The following PIK3R6 variants were observed in gnomAD, a reference collection of about 807,000 sequenced individuals.
PIK3R6 encodes phosphoinositide-3-kinase regulatory subunit 6.
A neutral mutation model predicts 84.9 loss-of-function variants in PIK3R6; 91 were observed. The ratio of observed to expected loss-of-function variants is 1.07; its 90% CI spans 0.90 to 1.28. The LOEUF (loss-of-function observed/expected upper bound fraction) is 1.28, where lower values mean the gene tolerates loss of function less well. PIK3R6 is among the 50% of genes most tolerant of loss of function. The pLI is 0.00. For missense variants in PIK3R6, 996 were observed against 985.1 expected (o/e 1.01, Z -0.15); for synonymous variants, 416 against 411.4 (o/e 1.01, Z -0.13).
In PIK3R6 at chr17:8,822,503, A is replaced by G. The variant is rs59338144; in HGVS notation, c.1788+84T>C. The G allele has an allele frequency of 3.6e-3, 5,296 of 1,472,732 alleles. 158 individuals carry two copies. In the African/African-American group the frequency reaches 0.065, roughly 18 times the overall value. 91.2% of individuals were successfully genotyped at this position (1,472,732 alleles called of 1,614,324 possible). A position where few individuals can be genotyped will look rare whatever the true frequency, so the allele number is the denominator to read the frequency against. Reference sequence around the variant, plus strand: ...AGGGGCAGAAGCTTCCTTTGGCTCTATCTGCTTCCCTGCTTGTCCCAGAGG... The same window carrying G: ...AGGGGCAGAAGCTTCCTTTGGCTCTGTCTGCTTCCCTGCTTGTCCCAGAGG... On this transcript the variant is annotated intron_variant, in intron 16 of 19. Transcript: ENST00000619866.
At chr17:8,831,779 G>A (rs2088249668) in intron 9 of PIK3R6, among the ~76,000 whole-genome samples, 1 of 152,124 alleles carries the variant, frequency 6.6e-6, no homozygotes, top group Admixed American at 6.6e-5. Context: ...GGACATGCAG[G>A]CTGACATATT....
rs777692546 is a variant in PIK3R6 at position 8,821,936 on chromosome 17, C to T, written c.1789G>A (p.Ala597Thr). Reference protein sequence around the residue: ...GAELSLCYQKALLSHRPREVT... With the variant: ...GAELSLCYQKTLLSHRPREVT... ...TCTCGGGGCCGGTGGCTAAGCAAGG[C>T]CTGAGGAGGGGGATCGAGGAACAGG... The change falls in exon 17 of 20, where the codon GCC becomes ACC. Residue 597 changes from alanine (A) to threonine (T), a missense_variant and splice_region_variant. Ala to Thr is a moderately conservative substitution (Grantham distance 58, BLOSUM62 0). Transcript: ENST00000619866. 16 of 1,576,642 alleles carry T rather than the reference C, an allele frequency of 1.0e-5. No individual in the cohort carries two copies. The highest frequency in any genetic ancestry group is 1.3e-5 in the Non-Finnish European group (15 of 1,160,642).
Position 8,821,845 on chromosome 17 carries a change from C to T in PIK3R6, c.1879+1G>A, listed in dbSNP as rs1242978278. 1.3e-6 allele frequency: 2 copies of T among 1,590,748 alleles called. No homozygotes were observed. Among genetic ancestry groups the T allele is most frequent in the Admixed American group, 1.8e-5 (1 of 56,632 alleles). ...TTTGCTCTGCATTCCCCATTCCTCACCTTCTGTGTCGCTGGCTGGAATGGC... is the reference window on the plus strand; with the variant it reads ...TTTGCTCTGCATTCCCCATTCCTCATCTTCTGTGTCGCTGGCTGGAATGGC... On this transcript the variant is annotated splice_donor_variant, in intron 17 of 19. Transcript: ENST00000619866. LOFTEE classifies it high-confidence loss of function.
intron 7 of PIK3R6, 127 bp downstream of exon 7, chr17:8,836,420 G>T: frequency 1.0e-6 from 1 of 980,424 alleles, no homozygotes; most frequent in Non-Finnish European, 1.6e-6. Context: ...CAAATATCAT[G>T]GCTGGGGAGG....
At chr17:8,828,539 A>AC in intron 11 of PIK3R6, 28 bp downstream of exon 11, 2 of 1,604,388 alleles carry the variant, frequency 1.2e-6, no homozygotes, top group Non-Finnish European at 1.7e-6. Context: ...ACCAGCGCCC[A>AC]CCCCCAGCCC....
At chr17:8,840,348 T>C (rs28626519) in intron 2 of PIK3R6, among the ~76,000 whole-genome samples, 20,535 of 94,006 alleles carry the variant, frequency 0.22, 4,491 homozygotes, top group Non-Finnish European at 0.26. Flanking sequence ...GAAATATATA[T>C]AGCCTCCAAA....
In PIK3R6 at chr17:8,856,294, T is replaced by C. The variant is rs146692715; in HGVS notation, c.-91-6409A>G. ...CCCAGTGATAACATCTTGCAAACAA[T>C]GTTACTGTATCAAAATCAAGATATT... On this transcript the variant is annotated intron_variant, in intron 1 of 19. Transcript: ENST00000619866. Among the ~76,000 whole-genome samples the C allele has an allele frequency of 7.6e-4, 115 of 152,262 alleles. 1 individual carries two copies. Among genetic ancestry groups the C allele is most frequent in the African/African-American group, 2.6e-3 (106 of 41,554 alleles).
In PIK3R6 at chr17:8,804,166, G is replaced by A; in HGVS notation, c.1996-13C>T. 3.7e-6 allele frequency: 6 copies of A among 1,603,322 alleles called. No individual in the cohort carries two copies. The highest frequency in any genetic ancestry group is 5.1e-6 in the Non-Finnish European group (6 of 1,170,372). ...TGTTGGTCACTGTCTGCAGCACAGA[G>A]ATCGCACGTGTGAGTGTTGCCTTTG... is the stretch of plus-strand genomic sequence containing the variant. On this transcript the variant is annotated splice_polypyrimidine_tract_variant and intron_variant, in intron 18 of 19. Transcript: ENST00000619866.
intron 13 of PIK3R6, among the ~76,000 whole-genome samples, chr17:8,824,697 G>A (rs899533228): frequency 3.9e-5 from 6 of 152,292 alleles, no homozygotes; most frequent in Admixed American, 1.3e-4. Context: ...ATAGCTACCA[G>A]CAAAGGAGCA....
At chr17:8,828,465 C>T (rs1427042284) in intron 11 of PIK3R6, 102 bp downstream of exon 11, 5 of 1,428,622 alleles carry the variant, frequency 3.5e-6, no homozygotes, top group Non-Finnish European at 3.8e-6. Flanking sequence ...GCCTCTGCCT[C>T]CTGACCCTCT....
intron 14 of PIK3R6, 81 bp downstream of exon 14, chr17:8,823,306 G>C: frequency 9.2e-7 from 1 of 1,088,678 alleles, no homozygotes; most frequent in Non-Finnish European, 1.4e-6. Context: ...TTGGTGGCCT[G>C]GTGACCAGTG....
intron 1 of PIK3R6, among the ~76,000 whole-genome samples, chr17:8,855,248 A>G (rs1447268710): frequency 6.6e-6 from 1 of 151,966 alleles, no homozygotes; most frequent in Non-Finnish European, 1.5e-5. Flanking sequence ...ATAAAATAAA[A>G]TAATAAAATA....
At chr17:8,860,932 C>T (rs2089267100) in intron 1 of PIK3R6, among the ~76,000 whole-genome samples, 1 of 152,160 alleles carries the variant, frequency 6.6e-6, no homozygotes, top group African/African-American at 2.4e-5. Flanking sequence ...CGGGCACGGT[C>T]ACGCCTGTAA....
chr17:8,865,795 G>A (rs1023649840), intron 1 of PIK3R6, among the ~76,000 whole-genome samples: 8 of 151,360 alleles, frequency 5.3e-5, no homozygotes, highest in African/African-American at 1.2e-4. Context: ...GCTGGCCCCC[G>A]TGGACAAGGA....
intron 2 of PIK3R6, among the ~76,000 whole-genome samples, chr17:8,849,203 A>T (rs1422893940): frequency 6.6e-6 from 1 of 152,260 alleles, no homozygotes; most frequent in African/African-American, 2.4e-5. Context: ...AAAAATGAGG[A>T]TAATCATCGT....
At chr17:8,833,116 C>A in intron 8 of PIK3R6, 71 bp from the exon 9 acceptor site, 1 of 1,467,138 alleles carries the variant, frequency 6.8e-7, no homozygotes. Flanking sequence ...AAGCCAAGTC[C>A]GCAGGGCCCT....
rs9906022 is a variant in PIK3R6, at chr17:8,842,349, C to T, written c.14-2652G>A. On this transcript the variant is annotated intron_variant, in intron 2 of 19. Coordinates refer to ENST00000619866, the MANE Select transcript of PIK3R6 (RefSeq NM_001010855.4). This position sits in a 1 kb window ranked among gnomAD's most constrained non-coding sequence, Gnocchi z 4.5. ...CTAAAGCAGGACCTTCCCCAGGAGA[C>T]GCTCAAGCTTCTCCAACTGCCCTGC... 0.053 allele frequency among the ~76,000 whole-genome samples: 8,096 copies of T among 152,162 alleles called. 460 individuals carry two copies. The highest frequency in any genetic ancestry group is 0.14 in the African/African-American group (5,949 of 41,452).
At chr17:8,853,301 T>C (rs555440510) in intron 1 of PIK3R6, among the ~76,000 whole-genome samples, 109 of 151,148 alleles carry the variant, frequency 7.2e-4, no homozygotes, top group African/African-American at 2.1e-3. Flanking sequence ...CTGGCTAACA[T>C]GGTGAAACCC....
intron 17 of PIK3R6, 91 bp downstream of exon 17, chr17:8,821,755 G>T (rs764105933): frequency 1.5e-6 from 2 of 1,345,506 alleles, no homozygotes; most frequent in South Asian, 1.3e-5. Context: ...GACTGAGAGG[G>T]CTCCCCCTTC....
Sources: gnomAD v4.1 joint callset for allele counts (sites outside exome capture counted in the v4.1 genomes callset) on GRCh38, gnomAD v4.1.1 for gene constraint, Gnocchi (gnomAD v3.1) non-coding constraint, MANE v1.5 for transcripts, NCBI Gene and HGNC (gene_info 2026-07-23, HGNC 2026-07-21) for gene names.